The following VWA8 variants were observed in gnomAD, a reference collection of about 807,000 sequenced individuals.
VWA8 encodes von Willebrand factor A domain-containing protein 8.
VWA8 carries 221 observed loss-of-function variants against 241.5 expected under a neutral mutation model. The ratio of observed to expected loss-of-function variants is 0.91; its 90% CI spans 0.82 to 1.02. The LOEUF (loss-of-function observed/expected upper bound fraction) is 1.02. Ranked by LOEUF, VWA8 falls within the 50% of genes least tolerant of loss-of-function variation. The pLI is 0.00. For synonymous variants in VWA8, 852 were observed against 827.1 expected (o/e 1.03, Z -0.52); for missense variants, 2,322 against 2,328.7 (o/e 1.00, Z 0.06).
chr13:41,864,127 T>C (rs922812620), intron 12 of VWA8, among the ~76,000 whole-genome samples: 1 of 148,106 alleles, frequency 6.8e-6, no homozygotes, highest in African/African-American at 2.5e-5. Flanking sequence ...TCGCAGCCAT[T>C]AGGATGATGA....
At chr13:41,836,108 G>A (rs1385888965) in intron 12 of VWA8, among the ~76,000 whole-genome samples, 1 of 152,096 alleles carries the variant, frequency 6.6e-6, no homozygotes, top group Non-Finnish European at 1.5e-5. Flanking sequence ...GGGAAACACT[G>A]CTTAAAAAGA....
Position 41,895,589 on chromosome 13 carries a change from T to C in VWA8, c.484-4002A>G, listed in dbSNP as rs116758825. Among the ~76,000 whole-genome samples the C allele has an allele frequency of 8.5e-4, 129 of 152,234 alleles. No individual in the cohort carries two copies. In the East Asian group the frequency reaches 0.012, roughly 14 times the overall value. Reference sequence around the variant, plus strand: ...ACAATTACATTTCCCCAAATCAACATTGTTTTTCAAATCATCATCAACTCA... The same window carrying C: ...ACAATTACATTTCCCCAAATCAACACTGTTTTTCAAATCATCATCAACTCA... On this transcript the variant is annotated intron_variant, in intron 4 of 44. Coordinates refer to ENST00000379310, the MANE Select transcript of VWA8 (RefSeq NM_015058.2).
At chr13:41,741,698 T>C (rs932309322) in intron 21 of VWA8, among the ~76,000 whole-genome samples, 2 of 152,228 alleles carry the variant, frequency 1.3e-5, no homozygotes, top group African/African-American at 4.8e-5. Flanking sequence ...AAATACTAAT[T>C]ATAAAACGAA....
chr13:41,763,290 A>AAAATAAATAAATAAATAAATAAAT (rs59623577), intron 20 of VWA8, among the ~76,000 whole-genome samples: 1 of 139,624 alleles, frequency 7.2e-6, no homozygotes, highest in African/African-American at 2.6e-5. Context: ...TCCACCTGTA[A>AAAATAAATAAATAAATAAATAAAT]AAATAAATAA....
Position 41,691,462 on chromosome 13 carries a change from C to A in VWA8, c.3741-17G>T, listed in dbSNP as rs975452553. The A allele has an allele frequency of 1.9e-6, 3 of 1,610,208 alleles. No homozygotes were observed. In the African/African-American group the frequency reaches 4.0e-5, roughly 22 times the overall value. Reference sequence around the variant, plus strand: ...AGGCTGTTCCTGGAAAAGAAGAAAACTGTATCTGAAAGGAAATGGTGAGGA... The same window carrying A: ...AGGCTGTTCCTGGAAAAGAAGAAAAATGTATCTGAAAGGAAATGGTGAGGA... On this transcript the variant is annotated splice_polypyrimidine_tract_variant and intron_variant, in intron 31 of 44. Transcript: ENST00000379310.
At chr13:41,667,568 A>C (rs2044994948) in intron 37 of VWA8, among the ~76,000 whole-genome samples, 1 of 152,188 alleles carries the variant, frequency 6.6e-6, no homozygotes, top group Non-Finnish European at 1.5e-5. Context: ...TTACTTTGTG[A>C]TTTCTTTTAA....
intron 2 of VWA8, among the ~76,000 whole-genome samples, chr13:41,915,910 TC>T (rs1200133877): frequency 6.6e-6 from 1 of 152,208 alleles, no homozygotes; most frequent in African/African-American, 2.4e-5. Flanking sequence ...TTTATTGCAT[TC>T]CTATCAGGTA....
At chr13:41,889,389 T>TC (rs1566495827) in intron 5 of VWA8, among the ~76,000 whole-genome samples, 1 of 151,954 alleles carries the variant, frequency 6.6e-6, no homozygotes, top group Non-Finnish European at 1.5e-5. Context: ...CCTATTTTTT[T>TC]TTTTTTTCCG....
intron 42 of VWA8, among the ~76,000 whole-genome samples, chr13:41,581,052 T>A (rs557692633): frequency 1.3e-5 from 1 of 78,244 alleles, no homozygotes; most frequent in South Asian, 4.3e-4. Context: ...CAGGCTGGAG[T>A]GCAGTGGCGC....
chr13:41,605,356 A>C, intron 39 of VWA8, 80 bp from the exon 40 acceptor site: 4 of 1,287,510 alleles, frequency 3.1e-6, no homozygotes, highest in Non-Finnish European at 4.4e-6. Context: ...CTCCTGCTGG[A>C]ACTTTAGCAA....
Position 41,685,192 on chromosome 13 carries a change from T to TC in VWA8, c.4181dup (p.Ser1395LysfsTer4). Reference sequence around the variant, plus strand: ...TATAGAATGATGTATCAGTGCCACTTCGTTTATGCAAAGATGATGGTCTCT... The same window carrying TC: ...TATAGAATGATGTATCAGTGCCACTTCCGTTTATGCAAAGATGATGGTCTCT... On this transcript the variant is annotated frameshift_variant, in exon 35 of 45. Coordinates refer to ENST00000379310, the MANE Select transcript of VWA8 (RefSeq NM_015058.2). LOFTEE classifies it high-confidence loss of function. The TC allele has an allele frequency of 1.2e-6, 2 of 1,613,434 alleles. No homozygotes were observed. The highest frequency in any genetic ancestry group is 1.7e-6 in the Non-Finnish European group (2 of 1,179,680).
At chr13:41,856,198 G>A (rs555533134) in intron 12 of VWA8, among the ~76,000 whole-genome samples, 45 of 152,096 alleles carry the variant, frequency 3.0e-4, no homozygotes, top group African/African-American at 1.0e-3. Flanking sequence ...TGGCCAGCGG[G>A]GGTAGCACAC....
intron 37 of VWA8, among the ~76,000 whole-genome samples, chr13:41,632,663 A>C (rs55964909): frequency 1.4e-3 from 209 of 152,296 alleles, no homozygotes; most frequent in Non-Finnish European, 2.5e-3. Context: ...TGCTTCCTAC[A>C]ACTGTTGGTT....
intron 42 of VWA8, among the ~76,000 whole-genome samples, chr13:41,586,815 C>T (rs533681892): frequency 6.6e-6 from 1 of 152,226 alleles, no homozygotes; most frequent in African/African-American, 2.4e-5. Flanking sequence ...CAGCATTTCT[C>T]ATGATTGAAC....
At chr13:41,749,612 C>A (rs1406653299) in intron 21 of VWA8, among the ~76,000 whole-genome samples, 1 of 152,100 alleles carries the variant, frequency 6.6e-6, no homozygotes, top group East Asian at 1.9e-4. Flanking sequence ...ACCCAAATGT[C>A]CAACAATGAT....
At chr13:41,874,794 C>G (rs137903001) in intron 9 of VWA8, among the ~76,000 whole-genome samples, 82 of 152,084 alleles carry the variant, frequency 5.4e-4, no homozygotes, top group African/African-American at 2.0e-3. Context: ...GTTGCCTGAA[C>G]AAATATGTTG....
intron 2 of VWA8, among the ~76,000 whole-genome samples, chr13:41,934,321 G>A (rs1877254791): frequency 6.6e-6 from 1 of 151,914 alleles, no homozygotes; most frequent in Admixed American, 6.6e-5. Context: ...ACCACACCAA[G>A]AGCTGGCAAG....
chr13:41,611,539 G>A, intron 39 of VWA8, 37 bp downstream of exon 39: 9 of 1,607,684 alleles, frequency 5.6e-6, no homozygotes, highest in Non-Finnish European at 7.7e-6. Flanking sequence ...TTTCACCATA[G>A]CAGTAGTGCT....
chr13:41,916,573 C>T (rs927074580), intron 2 of VWA8, among the ~76,000 whole-genome samples: 3 of 152,132 alleles, frequency 2.0e-5, no homozygotes, highest in Admixed American at 6.5e-5. Flanking sequence ...AAAGAAAATC[C>T]AACTTTCACT....
Sources: allele counts gnomAD v4.1 joint callset (sites outside exome capture counted in the v4.1 genomes callset), GRCh38; gene constraint gnomAD v4.1.1; transcripts MANE v1.5; gene names NCBI Gene and HGNC (gene_info 2026-07-23, HGNC 2026-07-21).